The following MGAM variants were observed in gnomAD, a reference collection of about 807,000 sequenced individuals.
MGAM encodes alpha-1,4-glucosidase.
MGAM carries 253 observed loss-of-function variants against 358.8 expected under a neutral mutation model. The ratio of observed to expected loss-of-function variants is 0.71; its 90% CI spans 0.64 to 0.78. The LOEUF (loss-of-function observed/expected upper bound fraction) is 0.78. MGAM is among the 30% of genes least tolerant of loss of function. The pLI, the probability that MGAM is intolerant of heterozygous loss-of-function variation, is 0.00. For missense variants in MGAM, 3,080 were observed against 3,432.6 expected, an observed-to-expected ratio of 0.90 and a Z score of 2.57; for synonymous variants, 1,105 against 1,227.1, an observed-to-expected ratio of 0.90 and a Z score of 2.08.
intron 1 of MGAM, among the ~76,000 whole-genome samples, chr7:141,999,597 T>C (rs1804573345): frequency 1.3e-5 from 2 of 152,230 alleles, no homozygotes; most frequent in South Asian, 4.1e-4. Context: ...TGACAAATTA[T>C]GGAAACCTCT....
chr7:142,022,568 C>A, intron 7 of MGAM, 129 bp downstream of exon 7: 1 of 995,660 alleles, frequency 1.0e-6, no homozygotes, highest in Non-Finnish European at 1.4e-6. Context: ...GAATTCTAGT[C>A]TTGCTATTCA....
At chr7:142,045,196 TATATATTATATAACATATATGTATATA>T (rs1809956827) in intron 21 of MGAM, among the ~76,000 whole-genome samples, 1 of 63,372 alleles carries the variant, frequency 1.6e-5, no homozygotes, top group Non-Finnish European at 3.0e-5. Flanking sequence ...TGATATATAA[TATATATTATATAACATATATGTATATA>T]ATATATATTA....
In MGAM at chr7:142,057,277, GGTA is replaced by G. The variant is rs201743657; in HGVS notation, c.3693+341_3693+343del. Among the ~76,000 whole-genome samples the G allele has an allele frequency of 6.5e-3, 986 of 151,656 alleles. 19 individuals are homozygous for G. The highest frequency in any genetic ancestry group is 0.021 in the Admixed American group (323 of 15,232). On this transcript the variant is annotated intron_variant, in intron 30 of 70. Coordinates refer to ENST00000475668, the MANE Select transcript of MGAM (RefSeq NM_001365693.1). ...TGGGAATGGTGATAATGATGGTGGT[GGTA>G]GTAGTGGTGTTGGTGATGGTGATGA...
At chr7:142,102,517 C>G in intron 68 of MGAM, 113 bp from the exon 69 acceptor site, 2 of 984,150 alleles carry the variant, frequency 2.0e-6, no homozygotes, top group Non-Finnish European at 3.0e-6. Flanking sequence ...CAAAGATAAG[C>G]CTTACTCTCT....
Position 142,072,529 on chromosome 7 carries a change from T to C in MGAM, c.5186+1411T>C, listed in dbSNP as rs11520861. On this transcript the variant is annotated intron_variant, in intron 44 of 70. Coordinates refer to ENST00000475668, the MANE Select transcript of MGAM (RefSeq NM_001365693.1). ...TTTAGCAGTGTTAGCATTTCAATAG[T>C]AGTTGCATACTCTGTGCATGAAAAT... Among the ~76,000 whole-genome samples, 29 of 146,446 alleles carry C rather than the reference T, an allele frequency of 2.0e-4. 3 individuals carry two copies. The highest frequency in any genetic ancestry group is 3.6e-4 in the Non-Finnish European group (23 of 64,656).
At chr7:142,075,264 G>A (rs1813645274) in intron 45 of MGAM, among the ~76,000 whole-genome samples, 1 of 146,396 alleles carries the variant, frequency 6.8e-6, no homozygotes, top group Non-Finnish European at 1.5e-5. Context: ...CACTTAGGTT[G>A]TTTTCATATC....
At chr7:142,079,089 TA>T in intron 49 of MGAM, 81 bp downstream of exon 49, 1 of 1,200,570 alleles carries the variant, frequency 8.3e-7, no homozygotes. Context: ...CACACAACCC[TA>T]AAATAAGTTA....
At chr7:142,103,130 T>A in intron 69 of MGAM, 139 bp from the exon 70 acceptor site, 1 of 763,888 alleles carries the variant, frequency 1.3e-6, no homozygotes, top group Non-Finnish European at 2.1e-6. Flanking sequence ...GATGAAATCA[T>A]GATTTCCATG....
chr7:142,040,411 C>A, intron 20 of MGAM: 1 of 583,634 alleles, frequency 1.7e-6, no homozygotes, highest in Non-Finnish European at 3.0e-6. Flanking sequence ...GACATAGTAT[C>A]TCATAAATTA....
intron 8 of MGAM, among the ~76,000 whole-genome samples, chr7:142,026,907 A>G (rs1360334130): frequency 6.6e-6 from 1 of 152,168 alleles, no homozygotes; most frequent in Non-Finnish European, 1.5e-5. Context: ...TATTATTAAA[A>G]TCTGTCACAG....
Position 142,103,226 on chromosome 7 carries a change from C to G in MGAM, c.8014-43C>G, listed in dbSNP as rs111246792. The G allele has an allele frequency of 7.8e-4, 1,151 of 1,469,490 alleles. 7 individuals are homozygous for G. The African/African-American group carries it at 0.015, about 19-fold the overall frequency. The allele number at this position is 1,469,490 out of a possible 1,614,324, so 91.0% of individuals were successfully genotyped here. ...TAAAAAGAGGTTAGAAAAATTTGAA[C>G]TAATTCTGCTATTATATTTTTCTTT... is the stretch of plus-strand genomic sequence containing the variant. On this transcript the variant is annotated intron_variant, in intron 69 of 70. Transcript: ENST00000475668.
At chr7:142,017,054 C>T (rs1259618463) in intron 3 of MGAM, among the ~76,000 whole-genome samples, 1 of 152,128 alleles carries the variant, frequency 6.6e-6, no homozygotes, top group Non-Finnish European at 1.5e-5. Flanking sequence ...TGACATGACA[C>T]ATTCTTTCTA....
rs760679606 is a variant in MGAM at position 142,069,581 on chromosome 7, A to G, written c.5061+878A>G. On this transcript the variant is annotated intron_variant, in intron 43 of 70. Transcript: ENST00000475668. ...GGCCCCTTTCATCCAAGGAGATTTC[A>G]GTGAGATTAAGTGAAAAGTGGAGAA... Among the ~76,000 whole-genome samples, 4 of 145,750 alleles carry G rather than the reference A, an allele frequency of 2.7e-5. 1 individual carries two copies. The highest frequency in any genetic ancestry group is 6.2e-5 in the Non-Finnish European group (4 of 64,406).
At chr7:142,040,907 CT>C (rs562671238) in intron 21 of MGAM, 61 bp downstream of exon 21, 251 of 1,526,582 alleles carry the variant, frequency 1.6e-4, no homozygotes, top group Non-Finnish European at 2.1e-4. Context: ...CTTTGAATTT[CT>C]TTTCGAAACA....
chr7:141,998,940 C>A (rs1051815874), intron 1 of MGAM, among the ~76,000 whole-genome samples: 1 of 152,098 alleles, frequency 6.6e-6, no homozygotes, highest in African/African-American at 2.4e-5. Flanking sequence ...TCTGACCAAC[C>A]TAATTAAAAT....
Position 142,074,159 on chromosome 7 carries a change from A to G in MGAM, c.5261A>G (p.Asp1754Gly). 2 of 1,536,652 alleles carry G rather than the reference A, an allele frequency of 1.3e-6. 1 individual carries two copies. Among genetic ancestry groups the G allele is most frequent in the East Asian group, 4.6e-5 (2 of 43,832 alleles). ...KEAKGELFWDDGQTKDTVAKK... is the reference protein window; with the variant it reads ...KEAKGELFWDGGQTKDTVAKK... Reference sequence around the variant, plus strand: ...GCAAAAGGAGAACTTTTCTGGGATGATGGGCAAACAAAGGGTGAGCGCTGT... The same window carrying G: ...GCAAAAGGAGAACTTTTCTGGGATGGTGGGCAAACAAAGGGTGAGCGCTGT... Residue 1754 changes from aspartate (D) to glycine (G), a missense_variant, in exon 45 of 71, where the codon GAT (aspartate) becomes GGT (glycine). By Grantham distance (94) the Asp-to-Gly change is moderately conservative. Coordinates refer to ENST00000475668, the MANE Select transcript of MGAM (RefSeq NM_001365693.1).
intron 44 of MGAM, among the ~76,000 whole-genome samples, chr7:142,072,488 G>T (rs1813424592): frequency 6.8e-6 from 1 of 146,208 alleles, no homozygotes; most frequent in Admixed American, 6.9e-5. Flanking sequence ...CTCCTTAGAT[G>T]ATTTTGTCTT....
Position 142,043,975 on chromosome 7 carries a change from G to A in MGAM, c.2498+3129G>A, listed in dbSNP as rs200527188. ...TATATACATTATATACACATACGAC[G>A]TATAATATATACATTATATACACAT... On this transcript the variant is annotated intron_variant, in intron 21 of 70. Coordinates refer to ENST00000475668, the MANE Select transcript of MGAM (RefSeq NM_001365693.1). Among the ~76,000 whole-genome samples the A allele has an allele frequency of 3.0e-4, 33 of 111,650 alleles. 1 individual carries two copies. Among genetic ancestry groups the A allele is most frequent in the Admixed American group, 5.9e-4 (6 of 10,096 alleles). The allele number at this position is 111,650 out of a possible 152,430, so 73.2% of individuals were successfully genotyped here.
chr7:142,042,613 T>C (rs1346487091), intron 21 of MGAM, among the ~76,000 whole-genome samples: 1 of 33,554 alleles, frequency 3.0e-5, no homozygotes, highest in Non-Finnish European at 5.5e-5. Context: ...ATATATAATA[T>C]ATATTATATA....
Sources: gnomAD v4.1 joint callset for allele counts (sites outside exome capture counted in the v4.1 genomes callset) on GRCh38, gnomAD v4.1.1 for gene constraint, MANE v1.5 for transcripts, NCBI Gene and HGNC (gene_info 2026-07-23, HGNC 2026-07-21) for gene names.